Variants in SLC24A2 observed in about 807,000 individuals in gnomAD.
The protein encoded by SLC24A2 is solute carrier family 24 member 2, also known as sodium/potassium/calcium exchanger 2.
A neutral mutation model predicts 62.0 loss-of-function variants in SLC24A2; 36 were observed. The observed-to-expected ratio is 0.58, with a 90% confidence interval of 0.44 to 0.77. The LOEUF (loss-of-function observed/expected upper bound fraction) is 0.77. Ranked by LOEUF, SLC24A2 falls within the 30% of genes least tolerant of loss-of-function variation. SLC24A2 has a pLI of 0.00. For missense variants in SLC24A2, 846 were observed against 817.9 expected (o/e 1.03, Z -0.42); for synonymous variants, 358 against 294.0 (o/e 1.22, Z -2.23).
chr9:19,780,275 C>CTTT (rs10645333), intron 2 of SLC24A2, among the ~76,000 whole-genome samples: 2 of 147,026 alleles, frequency 1.4e-5, no homozygotes, highest in Non-Finnish European at 3.0e-5. Flanking sequence ...TTTTCTTTTT[C>CTTT]TTTTTTTTTT....
At chr9:20,290,634 G>T in the SLC24A2 span, among the ~76,000 whole-genome samples, 1 of 152,216 alleles carries the variant, frequency 6.6e-6, no homozygotes, top group Non-Finnish European at 1.5e-5. Context: ...AGCTCCTGCA[G>T]GTTTTTGCTG....
intron 8 of SLC24A2, among the ~76,000 whole-genome samples, chr9:19,539,449 C>T (rs1834146933): frequency 6.6e-6 from 1 of 151,720 alleles, no homozygotes; most frequent in African/African-American, 2.4e-5. Flanking sequence ...TTTCTGCCTT[C>T]ATTTCATTAT....
chr9:19,938,814 C>A, the SLC24A2 span, among the ~76,000 whole-genome samples: 1 of 152,164 alleles, frequency 6.6e-6, no homozygotes, highest in Non-Finnish European at 1.5e-5. Flanking sequence ...ATAGAATTTT[C>A]TCATTTTAAC....
intron 2 of SLC24A2, among the ~76,000 whole-genome samples, chr9:19,726,863 G>C (rs1192990157): frequency 1.3e-5 from 2 of 152,116 alleles, no homozygotes; most frequent in African/African-American, 4.8e-5. Flanking sequence ...GAGGATTTTA[G>C]GCTGGCTTTA....
chr9:19,734,442 T>C (rs2118731259), intron 2 of SLC24A2, among the ~76,000 whole-genome samples: 1 of 152,304 alleles, frequency 6.6e-6, no homozygotes, highest in East Asian at 1.9e-4. Flanking sequence ...GGTAGCTTGA[T>C]GGGGATGGCA....
At chr9:19,516,750 G>A (rs2132621987) in intron 10 of SLC24A2, among the ~76,000 whole-genome samples, 1 of 152,226 alleles carries the variant, frequency 6.6e-6, no homozygotes, top group Admixed American at 6.5e-5. Context: ...GTCCTAAAAA[G>A]GTGAATTCCA....
At chr9:20,244,621 T>A in the SLC24A2 span, among the ~76,000 whole-genome samples, 18 of 152,226 alleles carry the variant, frequency 1.2e-4, no homozygotes, top group Non-Finnish European at 2.6e-4. Flanking sequence ...GGAAGTTTGG[T>A]AGATGCATGT....
At chr9:19,553,374 G>T (rs1410781663) in intron 7 of SLC24A2, among the ~76,000 whole-genome samples, 1 of 152,118 alleles carries the variant, frequency 6.6e-6, no homozygotes, top group East Asian at 1.9e-4. Flanking sequence ...TAAAATTTCT[G>T]CAGAGTGTCC....
In SLC24A2 at chr9:19,698,807, C is replaced by A. The variant is rs890702580; in HGVS notation, c.931-76508G>T. ...ATCCTGCCTAGGTGACATGGACCCA[C>A]CCATAGAGACCTTTTGTATGGGAAT... On this transcript the variant is annotated intron_variant, in intron 2 of 10. Transcript: ENST00000341998. Among the ~76,000 whole-genome samples the A allele has an allele frequency of 3.9e-5, 6 of 152,162 alleles. No homozygotes were observed. In the East Asian group the frequency reaches 1.2e-3, roughly 29 times the overall value.
the SLC24A2 span, among the ~76,000 whole-genome samples, chr9:19,896,714 T>C: frequency 2.0e-5 from 3 of 152,158 alleles, no homozygotes; most frequent in Non-Finnish European, 4.4e-5. Flanking sequence ...TTCACAGCAT[T>C]ATGGTGAAGA....
Position 19,683,896 on chromosome 9 carries a change from C to T in SLC24A2, c.931-61597G>A, listed in dbSNP as rs116994285. Among the ~76,000 whole-genome samples, 392 of 152,214 alleles carry T rather than the reference C, an allele frequency of 2.6e-3. 8 individuals are homozygous for T. In the East Asian group the frequency reaches 0.063, roughly 25 times the overall value. On this transcript the variant is annotated intron_variant, in intron 2 of 10. Transcript: ENST00000341998. ...ACACCTCTTTTTGTTTCTCTTACTT[C>T]CTGGCAGTTCCTCCCTGTGTCTGGC...
chr9:20,080,982 C>G, the SLC24A2 span, among the ~76,000 whole-genome samples: 3,680 of 151,782 alleles, frequency 0.024, 146 homozygotes, highest in African/African-American at 0.081. Flanking sequence ...GAAACAACAG[C>G]TGCTGGAGAG....
the SLC24A2 span, among the ~76,000 whole-genome samples, chr9:20,120,703 A>T: frequency 6.6e-6 from 1 of 152,076 alleles, no homozygotes; most frequent in African/African-American, 2.4e-5. Flanking sequence ...CTAAAATAAA[A>T]GTTGGGGAAA....
the SLC24A2 span, among the ~76,000 whole-genome samples, chr9:20,276,537 T>C: frequency 1.8e-4 from 27 of 152,222 alleles, no homozygotes; most frequent in African/African-American, 6.5e-4. Flanking sequence ...TGGTGAAAGC[T>C]GTCAGTGGAT....
At chr9:19,620,223 T>C (rs1218588423) in intron 3 of SLC24A2, among the ~76,000 whole-genome samples, 1 of 152,172 alleles carries the variant, frequency 6.6e-6, no homozygotes, top group East Asian at 1.9e-4. Flanking sequence ...CATATCTGCA[T>C]AGATACACAT....
chr9:20,233,479 A>G, the SLC24A2 span, among the ~76,000 whole-genome samples: 1 of 152,150 alleles, frequency 6.6e-6, no homozygotes, highest in African/African-American at 2.4e-5. Context: ...ACCATTATGT[A>G]ATGGCCTTCT....
At chr9:19,955,195 T>C in the SLC24A2 span, among the ~76,000 whole-genome samples, 1 of 152,124 alleles carries the variant, frequency 6.6e-6, no homozygotes, top group Non-Finnish European at 1.5e-5. Flanking sequence ...GCACATAACA[T>C]AATGATGTAT....
chr9:20,081,837 T>C, the SLC24A2 span, among the ~76,000 whole-genome samples: 1 of 152,014 alleles, frequency 6.6e-6, no homozygotes, highest in African/African-American at 2.4e-5. Context: ...TTTCTATGCC[T>C]GAATTTATAA....
intron 2 of SLC24A2, among the ~76,000 whole-genome samples, chr9:19,651,259 G>A (rs540859035): frequency 1.3e-5 from 2 of 152,174 alleles, no homozygotes; most frequent in South Asian, 4.2e-4. Context: ...TACTTATTAG[G>A]TACTACTCAT....
Sources: gnomAD v4.1 joint callset for allele counts (sites outside exome capture counted in the v4.1 genomes callset) on GRCh38, gnomAD v4.1.1 for gene constraint, MANE v1.5 for transcripts, NCBI Gene and HGNC (gene_info 2026-07-23, HGNC 2026-07-21) for gene names.